GPC5: variants seen among roughly 807,000 people sequenced by gnomAD.
The protein encoded by GPC5 is glypican 5.
GPC5 carries 47 observed loss-of-function variants against 53.9 expected under a neutral mutation model. The ratio of observed to expected loss-of-function variants is 0.87; its 90% CI spans 0.69 to 1.11. The LOEUF is 1.11. GPC5 is among the 50% of genes most tolerant of loss of function. GPC5 has a pLI of 0.00. For synonymous variants in GPC5, 286 were observed against 263.3 expected, an observed-to-expected ratio of 1.09 and a Z score of -0.84; for missense variants, 748 against 713.1, an observed-to-expected ratio of 1.05 and a Z score of -0.56.
At chr13:92,141,779 G>A (rs1160937870) in intron 6 of GPC5, among the ~76,000 whole-genome samples, 1 of 152,106 alleles carries the variant, frequency 6.6e-6, no homozygotes, top group East Asian at 1.9e-4. Context: ...GAGCTGAGGG[G>A]GAGAATCTGC....
chr13:91,748,243 T>C (rs1238696875), intron 4 of GPC5, among the ~76,000 whole-genome samples: 1 of 152,226 alleles, frequency 6.6e-6, no homozygotes, highest in Non-Finnish European at 1.5e-5. Context: ...TCACTACATA[T>C]TAATTTTAAC....
chr13:91,841,911 G>C (rs1365079020), intron 5 of GPC5, among the ~76,000 whole-genome samples: 1 of 152,164 alleles, frequency 6.6e-6, no homozygotes, highest in African/African-American at 2.4e-5. Flanking sequence ...ACTGGACTTA[G>C]TAGTGATTCA....
chr13:92,285,627 A>G (rs920543718), intron 7 of GPC5, among the ~76,000 whole-genome samples: 8 of 152,228 alleles, frequency 5.3e-5, no homozygotes, highest in Non-Finnish European at 1.0e-4. Context: ...CCTGACAAAA[A>G]CAAGCAATGG....
At chr13:92,737,772 T>TC (rs1845495045) in intron 7 of GPC5, among the ~76,000 whole-genome samples, 1 of 140,844 alleles carries the variant, frequency 7.1e-6, no homozygotes, top group African/African-American at 2.6e-5. Flanking sequence ...TTTTCTTTTT[T>TC]TTTTTTTTTT....
At chr13:91,787,949 T>C (rs753473441) in intron 5 of GPC5, among the ~76,000 whole-genome samples, 2 of 152,188 alleles carry the variant, frequency 1.3e-5, no homozygotes, top group Non-Finnish European at 2.9e-5. Context: ...AAAGAAACAC[T>C]GAAGAATTTA....
chr13:91,511,579 C>T (rs748491256), intron 2 of GPC5, among the ~76,000 whole-genome samples: 25 of 152,114 alleles, frequency 1.6e-4, no homozygotes, highest in Non-Finnish European at 3.4e-4. Flanking sequence ...AGTTTCAGCG[C>T]GGCTGATTTC....
chr13:91,489,746 A>G (rs1330307245), intron 2 of GPC5, among the ~76,000 whole-genome samples: 1 of 152,214 alleles, frequency 6.6e-6, no homozygotes, highest in African/African-American at 2.4e-5. Flanking sequence ...AAATGTTCAT[A>G]TTATGAACAT....
intron 7 of GPC5, among the ~76,000 whole-genome samples, chr13:92,223,794 C>T (rs1048059398): frequency 6.6e-6 from 1 of 151,990 alleles, no homozygotes; most frequent in East Asian, 1.9e-4. Context: ...TTTTAAGGAA[C>T]AAAAAGCAAA....
rs1440395882 is a variant in GPC5, at chr13:92,004,489, T to TATATATATAA, written c.1401+96433_1401+96434insTATATATAAA. Reference sequence around the variant, plus strand: ...ATATATATATATATATATATATATATAATTACACTATAGCTTTTCATGCAA... The same window carrying TATATATATAA: ...ATATATATATATATATATATATATATATATATATAAAATTACACTATAGCTTTTCATGCAA... On this transcript the variant is annotated intron_variant, in intron 6 of 7. Transcript: ENST00000377067. 2.8e-3 allele frequency among the ~76,000 whole-genome samples: 340 copies of TATATATATAA among 122,680 alleles called. 13 individuals are homozygous for TATATATATAA. The highest frequency in any genetic ancestry group is 0.011 in the African/African-American group (313 of 28,780). 80.5% of individuals were successfully genotyped at this position (122,680 alleles called of 152,430 possible). A position where few individuals can be genotyped will look rare whatever the true frequency, so the allele number is the denominator to read the frequency against.
intron 6 of GPC5, among the ~76,000 whole-genome samples, chr13:91,978,312 G>T (rs1594702037): frequency 6.6e-6 from 1 of 152,110 alleles, no homozygotes; most frequent in Non-Finnish European, 1.5e-5. Context: ...TTATTTGCCT[G>T]TTCATTTATT....
chr13:92,704,877 C>T lies in GPC5; in HGVS notation c.1562-161405C>T, dbSNP rs944167402. ...AAATATATGAGTGTATATATATATA[C>T]TCAATGTGTGTATATATATGAGTAT... On this transcript the variant is annotated intron_variant, in intron 7 of 7. Transcript: ENST00000377067. Among the ~76,000 whole-genome samples the T allele has an allele frequency of 2.7e-5, 4 of 149,682 alleles. No individual in the cohort carries two copies. The Admixed American group carries it at 2.7e-4, about 10-fold the overall frequency.
chr13:91,909,356 A>C (rs2039587616), intron 6 of GPC5, among the ~76,000 whole-genome samples: 1 of 152,202 alleles, frequency 6.6e-6, no homozygotes, highest in Non-Finnish European at 1.5e-5. Flanking sequence ...AAAGAGCTTT[A>C]ATATTAATCA....
intron 7 of GPC5, among the ~76,000 whole-genome samples, chr13:92,594,718 C>T (rs1883813028): frequency 6.6e-6 from 1 of 152,132 alleles, no homozygotes; most frequent in Non-Finnish European, 1.5e-5. Flanking sequence ...AGAACTCTGT[C>T]ATGTTTACAA....
chr13:92,644,835 G>A (rs1440145684), intron 7 of GPC5, among the ~76,000 whole-genome samples: 1 of 151,606 alleles, frequency 6.6e-6, no homozygotes, highest in Non-Finnish European at 1.5e-5. Context: ...ATAGTGCTGG[G>A]AGTTCTTGGA....
chr13:92,262,820 G>T (rs901136777), intron 7 of GPC5, among the ~76,000 whole-genome samples: 8 of 152,090 alleles, frequency 5.3e-5, no homozygotes, highest in Admixed American at 1.3e-4. Flanking sequence ...AACTAAAAAA[G>T]GTTGAGACTA....
intron 7 of GPC5, among the ~76,000 whole-genome samples, chr13:92,388,925 C>T (rs975958711): frequency 6.6e-6 from 1 of 151,962 alleles, no homozygotes; most frequent in African/African-American, 2.4e-5. Flanking sequence ...TGGGATAGTG[C>T]TGTTTTTGTC....
rs192114727 is a variant in GPC5 at position 91,520,298 on chromosome 13, G to T, written c.325+71376G>T. Among the ~76,000 whole-genome samples the T allele has an allele frequency of 5.9e-5, 9 of 152,302 alleles. No homozygotes were observed. In the East Asian group the frequency reaches 1.7e-3, roughly 29 times the overall value. On this transcript the variant is annotated intron_variant, in intron 2 of 7. Coordinates refer to ENST00000377067, the MANE Select transcript of GPC5 (RefSeq NM_004466.6). ...ATTAAGAAAATGATAGGTGTGTGGT[G>T]GTCATGTATCACCTTGGCTAGTTTC...
intron 5 of GPC5, among the ~76,000 whole-genome samples, chr13:91,899,120 A>C (rs1411255969): frequency 6.6e-6 from 1 of 152,162 alleles, no homozygotes; most frequent in African/African-American, 2.4e-5. Context: ...CTAGCCCTTC[A>C]TTGCTTTTGG....
At chr13:92,036,442 C>T (rs776273774) in intron 6 of GPC5, among the ~76,000 whole-genome samples, 33 of 152,252 alleles carry the variant, frequency 2.2e-4, no homozygotes, top group Non-Finnish European at 3.8e-4. Flanking sequence ...AATAAATTCT[C>T]AAGGCGCTTT....
Sources: allele counts gnomAD v4.1 joint callset (sites outside exome capture counted in the v4.1 genomes callset), GRCh38; gene constraint gnomAD v4.1.1; transcripts MANE v1.5; gene names NCBI Gene and HGNC (gene_info 2026-07-23, HGNC 2026-07-21).